KCTD16: variants seen among roughly 807,000 people sequenced by gnomAD.
The protein encoded by KCTD16 is potassium channel tetramerization domain containing 16, also known as BTB/POZ domain-containing protein KCTD16.
Under a neutral mutation model 33.2 loss-of-function variants are expected in KCTD16, and 13 were observed. The observed-to-expected ratio is 0.39, with a 90% CI of 0.25 to 0.62. KCTD16 has a LOEUF of 0.62. Ranked by LOEUF, KCTD16 falls within the 20% of genes least tolerant of loss-of-function variation. The pLI, the probability that KCTD16 is intolerant of heterozygous loss-of-function variation, is 0.50. For synonymous variants in KCTD16, 197 were observed against 195.3 expected, an observed-to-expected ratio of 1.01 and a Z score of -0.07; for missense variants, 441 against 525.1, an observed-to-expected ratio of 0.84 and a Z score of 1.57.
rs1754746992 is a variant in KCTD16 at position 144,483,589 on chromosome 5, A to G, written c.*9475A>G. On this transcript the variant is annotated 3_prime_UTR_variant, in exon 4 of 4. Transcript: ENST00000512467. ...CCTATTTTGGCATTTTACAGACATA[A>G]CAACCAAATTAACGAATTTTGGCCA... 1 of 152,016 alleles carries G rather than the reference A, an allele frequency of 6.6e-6. No individual in the cohort carries two copies. The highest frequency in any genetic ancestry group is 2.1e-4 in the South Asian group (1 of 4,834). 9.4% of individuals were successfully genotyped at this position (152,016 alleles called of 1,614,324 possible). A position where few individuals can be genotyped will look rare whatever the true frequency, so the allele number is the denominator to read the frequency against.
At chr5:144,296,156 G>C (rs1358110912) in intron 3 of KCTD16, among the ~76,000 whole-genome samples, 1 of 152,132 alleles carries the variant, frequency 6.6e-6, no homozygotes, top group East Asian at 1.9e-4. Flanking sequence ...CTACAGAACA[G>C]TTACAGGTAC....
At chr5:144,305,419 G>A (rs75436302) in intron 3 of KCTD16, among the ~76,000 whole-genome samples, 252 of 152,286 alleles carry the variant, frequency 1.7e-3, no homozygotes, top group African/African-American at 5.9e-3. Context: ...CCATAAGAAT[G>A]GGCCCTAATT....
At chr5:144,462,840 G>A (rs971365762) in intron 3 of KCTD16, among the ~76,000 whole-genome samples, 2 of 152,136 alleles carry the variant, frequency 1.3e-5, no homozygotes, top group Non-Finnish European at 2.9e-5. Context: ...GTTAACACTC[G>A]AAAGCCTGTG....
chr5:144,326,247 T>C lies in KCTD16; in HGVS notation c.832+118701T>C, dbSNP rs116713739. On this transcript the variant is annotated intron_variant, in intron 3 of 3. Transcript: ENST00000512467. ...CCCTTCAAGAACACCATCTCTAACATGGATGCCTAAGTCTGTGACAATAAA... is the reference window on the plus strand; with the variant it reads ...CCCTTCAAGAACACCATCTCTAACACGGATGCCTAAGTCTGTGACAATAAA... Among the ~76,000 whole-genome samples the C allele has an allele frequency of 3.4e-3, 522 of 152,246 alleles. 1 individual carries two copies. The highest frequency in any genetic ancestry group is 0.012 in the African/African-American group (509 of 41,548).
At chr5:144,377,723 T>G (rs1419642689) in intron 3 of KCTD16, 6 of 152,162 alleles carry the variant, frequency 3.9e-5, no homozygotes, top group African/African-American at 1.2e-4. Flanking sequence ...CAGGCTGTTG[T>G]GCTAAATGTG....
At chr5:144,250,407 G>T (rs116556179) in intron 3 of KCTD16, among the ~76,000 whole-genome samples, 519 of 152,328 alleles carry the variant, frequency 3.4e-3, no homozygotes, top group African/African-American at 0.012. Flanking sequence ...GGGGAGGGAA[G>T]TGGGGTCCTC....
intron 3 of KCTD16, among the ~76,000 whole-genome samples, chr5:144,344,203 T>G (rs1752721955): frequency 1.3e-5 from 2 of 152,242 alleles, no homozygotes; most frequent in South Asian, 2.1e-4. Flanking sequence ...TATACAAAAA[T>G]TAATTCAAGA....
intron 3 of KCTD16, among the ~76,000 whole-genome samples, chr5:144,365,000 A>G (rs1194683766): frequency 6.7e-6 from 1 of 149,802 alleles, no homozygotes; most frequent in East Asian, 2.0e-4. Context: ...GGTGCAAGTT[A>G]ATACAGAGCA....
chr5:144,223,729 G>C (rs1039304378), intron 3 of KCTD16, among the ~76,000 whole-genome samples: 1 of 152,046 alleles, frequency 6.6e-6, no homozygotes, highest in Non-Finnish European at 1.5e-5. Context: ...GTGGAGAGGG[G>C]AGGAATTCCA....
At chr5:144,416,676 T>G (rs1410806432) in intron 3 of KCTD16, among the ~76,000 whole-genome samples, 1 of 152,172 alleles carries the variant, frequency 6.6e-6, no homozygotes, top group Non-Finnish European at 1.5e-5. Flanking sequence ...CAGTGGCATT[T>G]AATATTGTCA....
At chr5:144,452,841 C>T (rs923715297) in intron 3 of KCTD16, among the ~76,000 whole-genome samples, 7 of 151,856 alleles carry the variant, frequency 4.6e-5, no homozygotes, top group African/African-American at 1.7e-4. Context: ...GAACCCTCCC[C>T]ATGTGCTCAC....
At chr5:144,389,988 G>T (rs759143064) in intron 3 of KCTD16, among the ~76,000 whole-genome samples, 1 of 152,184 alleles carries the variant, frequency 6.6e-6, no homozygotes, top group African/African-American at 2.4e-5. Flanking sequence ...GTCTCTGAAT[G>T]TTTGCTATCT....
intron 2 of KCTD16, among the ~76,000 whole-genome samples, chr5:144,176,827 T>A (rs577339687): frequency 6.6e-6 from 1 of 152,360 alleles, no homozygotes; most frequent in Admixed American, 6.5e-5. Context: ...ATACTTTTTC[T>A]ATTTTTCTGT....
At chr5:144,296,823 T>C (rs183172457) in intron 3 of KCTD16, among the ~76,000 whole-genome samples, 1 of 152,350 alleles carries the variant, frequency 6.6e-6, no homozygotes, top group East Asian at 1.9e-4. Context: ...TCACTTTCTC[T>C]TCCCCACCTT....
intron 3 of KCTD16, among the ~76,000 whole-genome samples, chr5:144,362,350 A>G (rs1254379955): frequency 6.6e-6 from 1 of 152,216 alleles, no homozygotes; most frequent in Non-Finnish European, 1.5e-5. Context: ...CTATTTGAAT[A>G]TAATTCAGTA....
rs1337056147 is a variant in KCTD16, at chr5:144,480,757, G to A, written c.*6643G>A. ...GCTGCTAAAGATCCTACAGTGTACTGGAAAGCCCTCCATAACAAAAAGTTA... is the reference window on the plus strand; with the variant it reads ...GCTGCTAAAGATCCTACAGTGTACTAGAAAGCCCTCCATAACAAAAAGTTA... On this transcript the variant is annotated 3_prime_UTR_variant, in exon 4 of 4. Transcript: ENST00000512467. 6.6e-6 allele frequency: 1 copy of A among 151,854 alleles called. No individual in the cohort carries two copies. Among genetic ancestry groups the A allele is most frequent in the African/African-American group, 2.4e-5 (1 of 41,394 alleles). 9.4% of individuals were successfully genotyped at this position (151,854 alleles called of 1,614,324 possible).
chr5:144,462,937 G>T (rs1394576854), intron 3 of KCTD16, among the ~76,000 whole-genome samples: 2 of 152,162 alleles, frequency 1.3e-5, no homozygotes, highest in African/African-American at 2.4e-5. Flanking sequence ...ATCTTGTGAG[G>T]TTATGCATTT....
intron 3 of KCTD16, among the ~76,000 whole-genome samples, chr5:144,299,072 A>ATATATT (rs1491103244): frequency 1.7e-5 from 1 of 57,432 alleles, no homozygotes; most frequent in Admixed American, 1.9e-4. Context: ...ATATATATAT[A>ATATATT]TTTTTGTATA....
intron 3 of KCTD16, among the ~76,000 whole-genome samples, chr5:144,219,611 C>G (rs899900380): frequency 2.1e-4 from 31 of 150,452 alleles, no homozygotes; most frequent in African/African-American, 6.6e-4. Flanking sequence ...ACCTCCGCCT[C>G]TCGGAATCAA....
Sources: allele counts gnomAD v4.1 joint callset (sites outside exome capture counted in the v4.1 genomes callset), GRCh38; gene constraint gnomAD v4.1.1; transcripts MANE v1.5; gene names NCBI Gene and HGNC (gene_info 2026-07-23, HGNC 2026-07-21).